Variants in IFNAR2 observed in about 807,000 individuals in gnomAD.
IFNAR2 encodes the protein interferon alpha/beta receptor 2.
A neutral mutation model predicts 49.4 loss-of-function variants in IFNAR2; 30 were observed. The ratio of observed to expected loss-of-function variants is 0.61; its 90% CI spans 0.45 to 0.82. The LOEUF is 0.82. IFNAR2 is among the 40% of genes least tolerant of loss of function. The pLI, the probability that IFNAR2 is intolerant of heterozygous loss-of-function variation, is 0.00. For missense variants in IFNAR2, 600 were observed against 622.7 expected (o/e 0.96, Z 0.39); for synonymous variants, 224 against 234.5 (o/e 0.96, Z 0.41).
At chr21:33,243,572 T>C in intron 2 of IFNAR2, 101 bp from the exon 3 acceptor site, 1 of 1,072,040 alleles carries the variant, frequency 9.3e-7, no homozygotes, top group Non-Finnish European at 1.4e-6. Context: ...CTCAATCTGA[T>C]ACCAATAAAT....
intron 5 of IFNAR2, among the ~76,000 whole-genome samples, chr21:33,248,197 T>C (rs781080489): frequency 6.6e-6 from 1 of 152,018 alleles, no homozygotes; most frequent in Non-Finnish European, 1.5e-5. Context: ...CAGAATTCTT[T>C]AGTAATTTGT....
At chr21:33,239,309 T>C (rs1392418825) in intron 1 of IFNAR2, among the ~76,000 whole-genome samples, 1 of 152,222 alleles carries the variant, frequency 6.6e-6, no homozygotes, top group East Asian at 1.9e-4. Context: ...TATTTATCCC[T>C]CAGCTTCCTG....
intron 7 of IFNAR2, among the ~76,000 whole-genome samples, chr21:33,256,634 A>T (rs1350823355): frequency 6.6e-6 from 1 of 152,200 alleles, no homozygotes; most frequent in Non-Finnish European, 1.5e-5. Flanking sequence ...CCTTAAAACT[A>T]ATGGTTTGTC....
chr21:33,259,090 C>T (rs1002025503), intron 7 of IFNAR2, among the ~76,000 whole-genome samples: 8 of 151,992 alleles, frequency 5.3e-5, no homozygotes, highest in African/African-American at 1.5e-4. Flanking sequence ...TTACCAACCC[C>T]GTTGCTCAGT....
At chr21:33,253,710 T>A (rs1988022355) in intron 7 of IFNAR2, among the ~76,000 whole-genome samples, 1 of 152,212 alleles carries the variant, frequency 6.6e-6, no homozygotes, top group South Asian at 2.1e-4. Context: ...TATTTCTTGA[T>A]GATATGCTAA....
chr21:33,251,132 A>T (rs935485964), intron 6 of IFNAR2, among the ~76,000 whole-genome samples: 2 of 152,188 alleles, frequency 1.3e-5, no homozygotes, highest in Non-Finnish European at 2.9e-5. Flanking sequence ...ACTCAGAGAG[A>T]AAACAAGACA....
chr21:33,249,866 C>T (rs1031816437), intron 6 of IFNAR2, among the ~76,000 whole-genome samples: 1 of 152,110 alleles, frequency 6.6e-6, no homozygotes, highest in Non-Finnish European at 1.5e-5. Context: ...ATTTCAGCAA[C>T]AGCGAGGAGA....
chr21:33,245,527 A>T (rs530614561), intron 4 of IFNAR2, among the ~76,000 whole-genome samples: 9 of 152,226 alleles, frequency 5.9e-5, no homozygotes, highest in Non-Finnish European at 1.0e-4. Context: ...CTAGTCTGGG[A>T]CAGGCCTGGG....
Position 33,248,706 on chromosome 21 carries a change from C to G in IFNAR2, c.395-3C>G. The stretch of plus-strand genomic sequence containing the variant: ...TTCCTGTCTGTTTTTGTTTTTTGCA[C>G]AGTGTCTTTTGAACCACCAGAGTTT... On this transcript the variant is annotated splice_polypyrimidine_tract_variant and splice_region_variant and intron_variant, in intron 5 of 8. Coordinates refer to ENST00000342136, the MANE Select transcript of IFNAR2 (RefSeq NM_001289125.3). The G allele has an allele frequency of 1.9e-6, 3 of 1,596,478 alleles. No individual in the cohort carries two copies. The highest frequency in any genetic ancestry group is 2.6e-6 in the Non-Finnish European group (3 of 1,173,030).
intron 1 of IFNAR2, among the ~76,000 whole-genome samples, chr21:33,234,607 G>A (rs1986310524): frequency 1.3e-5 from 2 of 152,124 alleles, no homozygotes; most frequent in African/African-American, 2.4e-5. Flanking sequence ...AGGAGGAGTT[G>A]GAATTCAAAG....
In IFNAR2 at chr21:33,263,583, C is replaced by A; in HGVS notation, c.*83C>A. ...GCATCCTAACTTGCTGCCTTATCGT[C>A]TGCAAGTGTTCTCCAAGGGAAGGAG... On this transcript the variant is annotated 3_prime_UTR_variant, in exon 9 of 9. Transcript: ENST00000342136. The A allele has an allele frequency of 7.6e-7, 1 of 1,324,186 alleles. No individual in the cohort carries two copies. Among genetic ancestry groups the A allele is most frequent in the South Asian group, 1.4e-5 (1 of 69,122 alleles). The allele number at this position is 1,324,186 out of a possible 1,614,324, so 82.0% of individuals were successfully genotyped here. A position where few individuals can be genotyped will look rare whatever the true frequency, so the allele number is the denominator to read the frequency against.
intron 1 of IFNAR2, among the ~76,000 whole-genome samples, chr21:33,241,387 A>G (rs1004549511): frequency 6.6e-6 from 1 of 152,200 alleles, no homozygotes; most frequent in Non-Finnish European, 1.5e-5. Flanking sequence ...TACTAATTAT[A>G]TAAATAATGG....
intron 5 of IFNAR2, among the ~76,000 whole-genome samples, chr21:33,248,014 T>TA (rs1394135006): frequency 1.3e-5 from 2 of 152,224 alleles, no homozygotes; most frequent in Admixed American, 6.5e-5. Context: ...TTTGGGTTGT[T>TA]AAAGAATGCA....
At chr21:33,262,750 A>T (rs74275611) in intron 8 of IFNAR2, 43 bp from the exon 9 acceptor site, 1 of 1,521,746 alleles carries the variant, frequency 6.6e-7, no homozygotes, top group Non-Finnish European at 9.0e-7. Flanking sequence ...AGCAAACAGT[A>T]CAGCTGATAC....
At position 33,252,745 on chromosome 21, in the gene IFNAR2, ATC is replaced by A. The variant is rs761669332; in HGVS notation, c.626_627del (p.Ser209CysfsTer7). On this transcript the variant is annotated frameshift_variant, in exon 7 of 9. Coordinates refer to ENST00000342136, the MANE Select transcript of IFNAR2 (RefSeq NM_001289125.3). LOFTEE classifies it high-confidence loss of function. ...TAATTCCAAACACGAACTACTGTGT[ATC>A]TGTTTATTTAGAGCACAGTGATGAG... ...KLIPNTNYCV[S>X]VYLEHSDEQA... The A allele has an allele frequency of 6.2e-7, 1 of 1,612,754 alleles. No individual in the cohort carries two copies. Among genetic ancestry groups the A allele is most frequent in the Non-Finnish European group, 8.5e-7 (1 of 1,178,750 alleles).
At chr21:33,247,764 C>G (rs552423602) in intron 5 of IFNAR2, among the ~76,000 whole-genome samples, 1 of 152,290 alleles carries the variant, frequency 6.6e-6, no homozygotes, top group South Asian at 2.1e-4. Context: ...TTTTCAATTT[C>G]CCACTTTACA....
intron 1 of IFNAR2, among the ~76,000 whole-genome samples, chr21:33,234,353 T>G (rs1224000523): frequency 6.6e-6 from 1 of 152,220 alleles, no homozygotes; most frequent in Admixed American, 6.5e-5. Context: ...TTAACAATTG[T>G]TGATGCTGGA....
intron 1 of IFNAR2, chr21:33,232,973 C>T (rs1213602026): frequency 1.0e-6 from 1 of 980,256 alleles, no homozygotes; most frequent in African/African-American, 1.7e-5. Context: ...TGCAAGACGT[C>T]TTACTAAAAA....
chr21:33,262,929 C>T lies in IFNAR2; in HGVS notation c.977C>T (p.Thr326Ile). The T allele has an allele frequency of 6.2e-7, 1 of 1,614,172 alleles. No homozygotes were observed. Among genetic ancestry groups the T allele is most frequent in the Non-Finnish European group, 8.5e-7 (1 of 1,180,026 alleles). The change falls in exon 9 of 9, where the codon ACT becomes ATT. Residue 326 changes from threonine to isoleucine, a missense_variant. Physicochemically the swap from Thr to Ile is moderately conservative, Grantham distance 89 (BLOSUM62 -1). Transcript: ENST00000342136. ...YNYDDESDSD[T>I]EAAPRTSGGG... is the part of the protein sequence containing the mutation. ...TATGATGATGAAAGTGATAGCGATA[C>T]TGAGGCAGCGCCCAGGACAAGTGGC...
Sources: allele counts gnomAD v4.1 joint callset (sites outside exome capture counted in the v4.1 genomes callset), GRCh38; gene constraint gnomAD v4.1.1; transcripts MANE v1.5; gene names NCBI Gene and HGNC (gene_info 2026-07-23, HGNC 2026-07-21).